The following HTRA1 variants were observed in gnomAD, a reference collection of about 807,000 sequenced individuals.
HTRA1 encodes serine protease HTRA1.
Under a neutral mutation model 49.7 loss-of-function variants are expected in HTRA1, and 26 were observed. The ratio of observed to expected loss-of-function variants is 0.52; its 90% CI spans 0.38 to 0.73. The LOEUF (loss-of-function observed/expected upper bound fraction) is 0.73, where lower values mean the gene tolerates loss of function less well. Ranked by LOEUF, HTRA1 falls within the 30% of genes least tolerant of loss-of-function variation. The pLI is 0.00. For synonymous variants in HTRA1, 291 were observed against 286.9 expected, an observed-to-expected ratio of 1.01 and a Z score of -0.14; for missense variants, 561 against 667.2, an observed-to-expected ratio of 0.84 and a Z score of 1.75.
chr10:122,510,009 C>G, intron 6 of HTRA1, 87 bp from the exon 7 acceptor site: 1 of 1,144,228 alleles, frequency 8.7e-7, no homozygotes, highest in Non-Finnish European at 1.3e-6. Context: ...TTCCTGCAAC[C>G]TGGGGGATTG....
At chr10:122,502,892 G>C (rs913481856) in intron 3 of HTRA1, among the ~76,000 whole-genome samples, 1 of 152,224 alleles carries the variant, frequency 6.6e-6, no homozygotes, top group African/African-American at 2.4e-5. Flanking sequence ...TTTCCCCCCA[G>C]CAGTGTGAGG....
chr10:122,471,094 A>C (rs546957170), intron 1 of HTRA1, among the ~76,000 whole-genome samples: 2 of 152,298 alleles, frequency 1.3e-5, no homozygotes, highest in Admixed American at 6.5e-5. Context: ...GGTGGCCTGC[A>C]TCCTGTGTTC....
At chr10:122,504,918 G>A (rs772987012) in intron 3 of HTRA1, among the ~76,000 whole-genome samples, 1 of 152,236 alleles carries the variant, frequency 6.6e-6, no homozygotes, top group Non-Finnish European at 1.5e-5. Flanking sequence ...CAGCCACACA[G>A]GGAAAGGGTC....
In HTRA1 at chr10:122,489,538, T is replaced by G. The variant is rs1206668025; in HGVS notation, c.689T>G (p.Val230Gly). 2 of 1,614,064 alleles carry G rather than the reference T, an allele frequency of 1.2e-6. No individual in the cohort carries two copies. The highest frequency in any genetic ancestry group is 2.2e-5 in the South Asian group (2 of 91,084). ...GTGACCAACAAGCACCGGGTCAAAG[T>G]TGAGCTGAAGAACGGTGCCACTTAC... ...HVVTNKHRVKVELKNGATYEA... is the reference protein window; with the variant it reads ...HVVTNKHRVKGELKNGATYEA... The change falls in exon 3 of 9, where the codon GTT becomes GGT. Residue 230 changes from valine to glycine, a missense_variant. Physicochemically the swap from Val to Gly is moderately radical, Grantham distance 109. Coordinates refer to ENST00000368984, the MANE Select transcript of HTRA1 (RefSeq NM_002775.5).
intron 1 of HTRA1, among the ~76,000 whole-genome samples, chr10:122,477,691 G>A (rs2097489267): frequency 6.6e-6 from 1 of 152,220 alleles, no homozygotes; most frequent in African/African-American, 2.4e-5. Flanking sequence ...AAATGTCTCA[G>A]GCTTTAGAGC....
intron 7 of HTRA1, among the ~76,000 whole-genome samples, chr10:122,511,636 G>A (rs28674500): frequency 0.19 from 29,344 of 151,642 alleles, 3,962 homozygotes; most frequent in African/African-American, 0.38. Flanking sequence ...GGGTGGCTGA[G>A]GCAGGAGAAT....
In HTRA1 at chr10:122,490,938, A is replaced by G. The variant is rs995347351; in HGVS notation, c.777+1312A>G. ...TCCCCGATGTTCCTGTAGCTTCTCT[A>G]TGGCTGGGTGGCCAGGCATGGCCGA... On this transcript the variant is annotated intron_variant, in intron 3 of 8. Coordinates refer to ENST00000368984, the MANE Select transcript of HTRA1 (RefSeq NM_002775.5). The surrounding 1 kb of genome is among the most constrained non-coding windows in gnomAD (Gnocchi z 4.2). Among the ~76,000 whole-genome samples the G allele has an allele frequency of 2.0e-5, 3 of 152,066 alleles. No homozygotes were observed. Among genetic ancestry groups the G allele is most frequent in the Non-Finnish European group, 4.4e-5 (3 of 68,006 alleles).
rs1007666835 is a variant in HTRA1, at chr10:122,487,418, G to T, written c.473-1484G>T. On this transcript the variant is annotated intron_variant, in intron 1 of 8. Coordinates refer to ENST00000368984, the MANE Select transcript of HTRA1 (RefSeq NM_002775.5). The surrounding 1 kb of genome is among the most constrained non-coding windows in gnomAD (Gnocchi z 4.8). ...CACCACCCGTGCCACGAAAATGGGA[G>T]CCCAGGACCCTGAATCTCTAGCAGT... 6.6e-6 allele frequency among the ~76,000 whole-genome samples: 1 copy of T among 152,236 alleles called. No homozygotes were observed.
At chr10:122,479,624 A>G (rs1282569304) in intron 1 of HTRA1, among the ~76,000 whole-genome samples, 3 of 152,286 alleles carry the variant, frequency 2.0e-5, no homozygotes, top group African/African-American at 7.2e-5. Context: ...GAATGAGATC[A>G]TCCAGGCCGG....
At chr10:122,466,150 C>G (rs760535990) in intron 1 of HTRA1, among the ~76,000 whole-genome samples, 9 of 152,110 alleles carry the variant, frequency 5.9e-5, no homozygotes, top group Non-Finnish European at 1.2e-4. Context: ...CTTCTTGGAG[C>G]CCTGGAATGT....
At chr10:122,509,409 G>A (rs2097504585) in intron 6 of HTRA1, among the ~76,000 whole-genome samples, 2 of 152,202 alleles carry the variant, frequency 1.3e-5, no homozygotes, top group African/African-American at 4.8e-5. Flanking sequence ...TCTGAGTGAG[G>A]AGGAACCAGC....
chr10:122,489,709 A>T, intron 3 of HTRA1, 83 bp downstream of exon 3: 1 of 1,316,962 alleles, frequency 7.6e-7, no homozygotes, highest in South Asian at 1.2e-5. Flanking sequence ...CTCTGATTGC[A>T]GCTGATTCTC....
At chr10:122,468,634 C>T (rs1241770742) in intron 1 of HTRA1, among the ~76,000 whole-genome samples, 1 of 152,160 alleles carries the variant, frequency 6.6e-6, no homozygotes, top group East Asian at 1.9e-4. Context: ...GCAGAGGTAT[C>T]CAAAGTCACT....
chr10:122,463,073 C>T (rs1175030765), intron 1 of HTRA1, among the ~76,000 whole-genome samples: 1 of 152,276 alleles, frequency 6.6e-6, no homozygotes, highest in Non-Finnish European at 1.5e-5. Flanking sequence ...GACAGCGGGG[C>T]TTGGCAGTGC....
At position 122,491,514 on chromosome 10, in the gene HTRA1, G is replaced by A. The variant is rs77850794; in HGVS notation, c.777+1888G>A. On this transcript the variant is annotated intron_variant, in intron 3 of 8. Coordinates refer to ENST00000368984, the MANE Select transcript of HTRA1 (RefSeq NM_002775.5). Reference sequence around the variant, plus strand: ...AGCAGGGCATGGGCTGTGTGCAGGCGAGGCGCTGGCCTGGACGCCGCCCCC... The same window carrying A: ...AGCAGGGCATGGGCTGTGTGCAGGCAAGGCGCTGGCCTGGACGCCGCCCCC... Among the ~76,000 whole-genome samples the A allele has an allele frequency of 3.7e-3, 570 of 152,344 alleles. 7 individuals carry two copies. The East Asian group carries it at 0.051, about 14-fold the overall frequency.
At chr10:122,466,227 G>A (rs1224144403) in intron 1 of HTRA1, among the ~76,000 whole-genome samples, 2 of 152,038 alleles carry the variant, frequency 1.3e-5, no homozygotes, top group South Asian at 2.1e-4. Flanking sequence ...GTGCAGTGGC[G>A]CGATCTCGGC....
At chr10:122,496,397 A>G (rs1441021329) in intron 3 of HTRA1, among the ~76,000 whole-genome samples, 1 of 151,534 alleles carries the variant, frequency 6.6e-6, no homozygotes, top group Non-Finnish European at 1.5e-5. Context: ...ATCCTAATGG[A>G]TCTTTCGAGG....
chr10:122,476,416 G>T (rs1284960646), intron 1 of HTRA1, among the ~76,000 whole-genome samples: 2 of 152,150 alleles, frequency 1.3e-5, no homozygotes, highest in Non-Finnish European at 2.9e-5. Flanking sequence ...CTCCATCTGG[G>T]TCCTGTCTGG....
intron 3 of HTRA1, among the ~76,000 whole-genome samples, chr10:122,496,931 A>G (rs1014894759): frequency 6.6e-6 from 1 of 152,118 alleles, no homozygotes; most frequent in Non-Finnish European, 1.5e-5. Flanking sequence ...TCCTACTCAT[A>G]CTCTGGAAAG....
Sources: allele counts gnomAD v4.1 joint callset (sites outside exome capture counted in the v4.1 genomes callset), GRCh38; gene constraint gnomAD v4.1.1; non-coding constraint Gnocchi (gnomAD v3.1); transcripts MANE v1.5; gene names NCBI Gene and HGNC (gene_info 2026-07-23, HGNC 2026-07-21).